PDHX: variants seen among roughly 807,000 people sequenced by gnomAD.
PDHX encodes the protein pyruvate dehydrogenase protein X component, mitochondrial.
PDHX carries 33 observed loss-of-function variants against 55.3 expected under a neutral mutation model. The observed-to-expected ratio is 0.60, with a 90% CI of 0.45 to 0.80. The LOEUF (loss-of-function observed/expected upper bound fraction) is 0.80. Ranked by LOEUF, PDHX falls within the 30% of genes least tolerant of loss-of-function variation. The probability of loss-of-function intolerance (pLI) is 0.00; values close to 1 mark genes in which losing one functional copy is unlikely to be tolerated. For missense variants in PDHX, 622 were observed against 619.9 expected (o/e 1.00, Z -0.04); for synonymous variants, 226 against 219.4 (o/e 1.03, Z -0.27).
At chr11:34,921,036 CTT>C (rs1470593115) in intron 1 of PDHX, among the ~76,000 whole-genome samples, 2 of 152,126 alleles carry the variant, frequency 1.3e-5, no homozygotes, top group African/African-American at 4.8e-5. Flanking sequence ...CACGGATACT[CTT>C]TTAGGCCTGG....
intron 7 of PDHX, among the ~76,000 whole-genome samples, chr11:34,977,367 AT>A: frequency 6.6e-6 from 1 of 152,182 alleles, no homozygotes; most frequent in Non-Finnish European, 1.5e-5. Context: ...TACTTTAGTT[AT>A]GATCAGCTCG....
At chr11:34,939,502 T>TGC (rs904589635) in intron 2 of PDHX, among the ~76,000 whole-genome samples, 10 of 107,144 alleles carry the variant, frequency 9.3e-5, no homozygotes, top group African/African-American at 2.7e-4. Context: ...TGTGTGTGTG[T>TGC]GTGCACTTGC....
intron 7 of PDHX, among the ~76,000 whole-genome samples, chr11:34,977,325 T>C (rs945213425): frequency 4.6e-5 from 7 of 152,192 alleles, no homozygotes; most frequent in East Asian, 1.9e-4. Flanking sequence ...AACACTGTTA[T>C]ACCCAGTGGC....
At chr11:34,957,338 G>A (rs772571611) in intron 3 of PDHX, 46 bp from the exon 4 acceptor site, 10 of 1,249,338 alleles carry the variant, frequency 8.0e-6, no homozygotes, top group Non-Finnish European at 1.2e-5. Context: ...ACTTAATGCA[G>A]TCATGGGGTT....
chr11:34,923,704 A>G (rs1325985341), intron 1 of PDHX, among the ~76,000 whole-genome samples: 1 of 152,156 alleles, frequency 6.6e-6, no homozygotes, highest in African/African-American at 2.4e-5. Flanking sequence ...ACTACTGTCT[A>G]GTACTTGTGT....
chr11:34,977,661 A>G, intron 7 of PDHX: 2 of 394,282 alleles, frequency 5.1e-6, no homozygotes, highest in Non-Finnish European at 5.0e-6. Context: ...AAGTACCTAC[A>G]TGTATCACTG....
chr11:34,917,455 T>C (rs977827954), intron 1 of PDHX, among the ~76,000 whole-genome samples: 2 of 152,212 alleles, frequency 1.3e-5, no homozygotes, highest in African/African-American at 4.8e-5. Context: ...ATGATATTGA[T>C]GCAGTTAACA....
At chr11:34,959,150 C>T (rs1164215146) in intron 4 of PDHX, among the ~76,000 whole-genome samples, 1 of 151,812 alleles carries the variant, frequency 6.6e-6, no homozygotes, top group Admixed American at 6.6e-5. Context: ...AAGAGATATA[C>T]CATTAGTCAT....
intron 1 of PDHX, among the ~76,000 whole-genome samples, chr11:34,925,175 T>A (rs561454384): frequency 2.0e-5 from 3 of 152,366 alleles, no homozygotes; most frequent in Non-Finnish European, 4.4e-5. Flanking sequence ...ATCAGATACT[T>A]TCTCACTTAA....
intron 3 of PDHX, among the ~76,000 whole-genome samples, chr11:34,952,308 G>A (rs1255928258): frequency 6.6e-6 from 1 of 151,906 alleles, no homozygotes; most frequent in Non-Finnish European, 1.5e-5. Flanking sequence ...CCAATCAATA[G>A]AAAAAGAGGG....
chr11:34,939,289 T>A (rs1436528113), intron 2 of PDHX, among the ~76,000 whole-genome samples: 2 of 152,238 alleles, frequency 1.3e-5, no homozygotes, highest in African/African-American at 4.8e-5. Flanking sequence ...CCTTTATGCA[T>A]TAAGAAAATT....
chr11:34,922,463 A>T (rs1443092879), intron 1 of PDHX, among the ~76,000 whole-genome samples: 4 of 152,192 alleles, frequency 2.6e-5, no homozygotes, highest in Non-Finnish European at 5.9e-5. Flanking sequence ...CAGATCTGAC[A>T]CCAATGCCTG....
At position 34,995,065 on chromosome 11, in the gene PDHX, A is replaced by G. The variant is rs764061627; in HGVS notation, c.1399A>G (p.Ile467Val). ...TGCCAAACTGCAGCAGCGCCAGCTC[A>G]TAACAGTCACAATGTCAAGTGACAG... ...GNAKLQQRQLITVTMSSDSRV... is the reference protein window; with the variant it reads ...GNAKLQQRQLVTVTMSSDSRV... The change falls in exon 11 of 11, where the codon ATA becomes GTA. Residue 467 changes from isoleucine (I) to valine (V), a missense_variant. Physicochemically the swap from Ile to Val is conservative, Grantham distance 29. Coordinates refer to ENST00000227868, the MANE Select transcript of PDHX (RefSeq NM_003477.3). 1.2e-6 allele frequency: 2 copies of G among 1,613,966 alleles called. No individual in the cohort carries two copies. The highest frequency in any genetic ancestry group is 1.1e-5 in the South Asian group (1 of 91,094).
intron 2 of PDHX, among the ~76,000 whole-genome samples, chr11:34,939,884 C>T (rs2133954926): frequency 6.6e-6 from 1 of 152,192 alleles, no homozygotes; most frequent in East Asian, 1.9e-4. Flanking sequence ...TGCTAGGTAA[C>T]ACCCACAATT....
rs558281041 is a variant in PDHX, at chr11:34,992,903, A to G, written c.1247+524A>G. Among the ~76,000 whole-genome samples the G allele has an allele frequency of 2.0e-5, 3 of 151,730 alleles. No homozygotes were observed. The South Asian group carries it at 6.2e-4, about 31-fold the overall frequency. ...GTAGAATTCCTAAGTTAGAAGCTTT[A>G]GCAGCTACTACCAAACAATTTTCCA... On this transcript the variant is annotated intron_variant, in intron 10 of 10. Transcript: ENST00000227868.
chr11:34,956,442 A>G lies in PDHX; in HGVS notation c.343-942A>G, dbSNP rs142570392. On this transcript the variant is annotated intron_variant, in intron 3 of 10. Transcript: ENST00000227868. ...CCTGCAGCCTATCATTCTATTGTTC[A>G]TTAAATACAGCTAATGAACCTTATT... 4.0e-3 allele frequency among the ~76,000 whole-genome samples: 616 copies of G among 152,248 alleles called. 4 individuals are homozygous for G. The highest frequency in any genetic ancestry group is 7.0e-3 in the Non-Finnish European group (477 of 67,968).
At chr11:34,931,292 G>C (rs866183426) in intron 1 of PDHX, 112 bp from the exon 2 acceptor site, 2 of 704,668 alleles carry the variant, frequency 2.8e-6, no homozygotes, top group East Asian at 5.5e-5. Flanking sequence ...TTTAGACTTT[G>C]GAATACCTTC....
At chr11:34,964,017 C>T (rs1339459630) in intron 5 of PDHX, among the ~76,000 whole-genome samples, 4 of 152,028 alleles carry the variant, frequency 2.6e-5, no homozygotes, top group Non-Finnish European at 4.4e-5. Flanking sequence ...CATGTCACAC[C>T]CAAATGAATT....
chr11:34,995,030 A>T lies in PDHX; in HGVS notation c.1364A>T (p.Glu455Val), dbSNP rs748813806. ...CCTGTGCTGAAGCTCACTGAGGATG[A>T]AGAGGGAAATGCCAAACTGCAGCAG... is the stretch of plus-strand genomic sequence containing the variant. Reference protein sequence around the residue: ...FRPVLKLTEDEEGNAKLQQRQ... With the variant: ...FRPVLKLTEDVEGNAKLQQRQ... The change falls in exon 11 of 11, where the codon GAA becomes GTA. Residue 455 changes from glutamate to valine, a missense_variant. Physicochemically the swap from Glu to Val is moderately radical, Grantham distance 121. Transcript: ENST00000227868. 3 of 1,614,058 alleles carry T rather than the reference A, an allele frequency of 1.9e-6. No individual in the cohort carries two copies.
Sources: gnomAD v4.1 joint callset for allele counts (sites outside exome capture counted in the v4.1 genomes callset) on GRCh38, gnomAD v4.1.1 for gene constraint, MANE v1.5 for transcripts, NCBI Gene and HGNC (gene_info 2026-07-23, HGNC 2026-07-21) for gene names.